PDXDC1: variants seen among roughly 807,000 people sequenced by gnomAD.
The protein encoded by PDXDC1 is pyridoxal-dependent decarboxylase domain-containing protein 1.
Under a neutral mutation model 100.1 loss-of-function variants are expected in PDXDC1, and 42 were observed. That is an observed-to-expected ratio of 0.42 (90% CI 0.33 to 0.54). The LOEUF (loss-of-function observed/expected upper bound fraction) is 0.54, where lower values mean the gene tolerates loss of function less well. Ranked by LOEUF, PDXDC1 falls within the 20% of genes least tolerant of loss-of-function variation. The pLI is 0.10. For synonymous variants in PDXDC1, 260 were observed against 371.7 expected, an observed-to-expected ratio of 0.70 and a Z score of 3.46; for missense variants, 636 against 979.2, an observed-to-expected ratio of 0.65 and a Z score of 4.68.
chr16:15,007,778 T>C (rs2040908487), intron 6 of PDXDC1, among the ~76,000 whole-genome samples: 1 of 152,290 alleles, frequency 6.6e-6, no homozygotes, highest in African/African-American at 2.4e-5. Context: ...TAGTGTCTAC[T>C]GCAAGCCAGG....
At chr16:15,077,108 T>C (rs2045493142) in intron 16 of PDXDC1, among the ~76,000 whole-genome samples, 1 of 151,572 alleles carries the variant, frequency 6.6e-6, no homozygotes, top group East Asian at 1.9e-4. Flanking sequence ...GCCTCCCGAG[T>C]AGCTGGGATT....
chr16:15,098,054 G>A (rs1598053155), intron 16 of PDXDC1, among the ~76,000 whole-genome samples: 2 of 146,404 alleles, frequency 1.4e-5, no homozygotes, highest in African/African-American at 5.0e-5. Context: ...TGAGATTATA[G>A]GCATGAGCCA....
chr16:14,994,014 A>T (rs1297931612), intron 1 of PDXDC1, among the ~76,000 whole-genome samples: 1 of 152,254 alleles, frequency 6.6e-6, no homozygotes, highest in African/African-American at 2.4e-5. Flanking sequence ...AATTTGTTTG[A>T]GTTCATTGTA....
At chr16:15,001,907 G>T in intron 4 of PDXDC1, 51 bp downstream of exon 4, 1 of 1,483,616 alleles carries the variant, frequency 6.7e-7, no homozygotes, top group South Asian at 1.2e-5. Flanking sequence ...CTTGATTTCA[G>T]TAGTGATTGC....
intron 16 of PDXDC1, chr16:15,127,843 C>G: frequency 6.4e-7 from 1 of 1,565,868 alleles, no homozygotes; most frequent in Non-Finnish European, 8.6e-7. Context: ...GTCAAAGAAG[C>G]CGCACTGCAG....
chr16:15,002,909 T>A (rs557064855), intron 4 of PDXDC1, among the ~76,000 whole-genome samples: 618 of 152,060 alleles, frequency 4.1e-3, no homozygotes, highest in African/African-American at 0.014. Context: ...GCAGGTTTTT[T>A]AAATTATGAA....
At chr16:15,132,595 C>G in intron 16 of PDXDC1, 2 of 775,502 alleles carry the variant, frequency 2.6e-6, no homozygotes, top group South Asian at 3.0e-5. Flanking sequence ...CCGAGGAACG[C>G]CATGGCATGA....
intron 1 of PDXDC1, among the ~76,000 whole-genome samples, chr16:14,977,946 T>C (rs1267815344): frequency 6.6e-6 from 1 of 152,298 alleles, no homozygotes; most frequent in African/African-American, 2.4e-5. Flanking sequence ...TTAAAATGTA[T>C]GTGAAAAAAC....
At chr16:15,025,943 GTCGTCT>G (rs2042564301) in intron 13 of PDXDC1, 1 of 152,354 alleles carries the variant, frequency 6.6e-6, no homozygotes, top group Admixed American at 6.5e-5. Context: ...AATGAAGTTA[GTCGTCT>G]TCGGCCTGTC....
chr16:15,014,273 C>T (rs2151476298), intron 8 of PDXDC1, among the ~76,000 whole-genome samples: 1 of 151,850 alleles, frequency 6.6e-6, no homozygotes. Flanking sequence ...AACAGGAAAA[C>T]CATCACTTCC....
At chr16:15,011,054 A>G (rs1213211620) in intron 8 of PDXDC1, among the ~76,000 whole-genome samples, 3 of 152,294 alleles carry the variant, frequency 2.0e-5, no homozygotes, top group Non-Finnish European at 4.4e-5. Flanking sequence ...GCAGGCTACA[A>G]TTTCTTAATA....
In PDXDC1 at chr16:15,095,295, A is replaced by T. The variant is rs575788609; in HGVS notation, c.1400-43584A>T. ...GGCTGCCCCTACTCTCAGGGAGGGG[A>T]AAAGGTTGCAACTTTGGAAACTGTA... On this transcript the variant is annotated intron_variant, in intron 16 of 16. Coordinates refer to the PDXDC1 transcript ENST00000535621. Among the ~76,000 whole-genome samples, 712 of 152,256 alleles carry T rather than the reference A, an allele frequency of 4.7e-3. 4 individuals are homozygous for T. Among genetic ancestry groups the T allele is most frequent in the Non-Finnish European group, 6.1e-3 (415 of 68,028 alleles).
chr16:15,107,160 ATATT>A lies in PDXDC1; in HGVS notation c.1400-31718_1400-31715del, dbSNP rs2046840300. 3.8e-6 allele frequency: 2 copies of A among 524,782 alleles called. 1 individual carries two copies. Among genetic ancestry groups the A allele is most frequent in the Non-Finnish European group, 5.7e-6 (2 of 348,108 alleles). 32.5% of individuals were successfully genotyped at this position (524,782 alleles called of 1,614,324 possible). On this transcript the variant is annotated intron_variant, in intron 16 of 16. Coordinates refer to the PDXDC1 transcript ENST00000535621. The stretch of plus-strand genomic sequence containing the variant: ...CTTCACATCTTTTGGTCACTGGTAA[ATATT>A]AAGGTGCTTTGTTTTCTGTTTTGTG...
At chr16:15,052,947 G>A (rs1025988221) in intron 16 of PDXDC1, among the ~76,000 whole-genome samples, 2 of 152,174 alleles carry the variant, frequency 1.3e-5, no homozygotes, top group Middle Eastern at 3.2e-3. Context: ...AGTACCCAGT[G>A]ACTGGTTAAG....
intron 16 of PDXDC1, among the ~76,000 whole-genome samples, chr16:15,106,538 G>A (rs1168834783): frequency 6.7e-6 from 1 of 149,990 alleles, no homozygotes; most frequent in Non-Finnish European, 1.5e-5. Context: ...GATGGATCAC[G>A]AGGTCAGGAG....
At chr16:15,064,772 G>A (rs1004543290) in intron 16 of PDXDC1, among the ~76,000 whole-genome samples, 7 of 152,178 alleles carry the variant, frequency 4.6e-5, no homozygotes, top group Admixed American at 2.0e-4. Flanking sequence ...TGAAATATAC[G>A]CAGGGAGACC....
intron 16 of PDXDC1, chr16:15,125,333 T>G: frequency 1.4e-6 from 1 of 721,358 alleles, no homozygotes; most frequent in Admixed American, 2.2e-5. Context: ...AGACTGCAGG[T>G]GGCGCGGGTC....
chr16:15,112,306 C>T (rs977735381), intron 16 of PDXDC1, among the ~76,000 whole-genome samples: 2 of 147,112 alleles, frequency 1.4e-5, no homozygotes, highest in Non-Finnish European at 3.0e-5. Context: ...GCAACCTCCA[C>T]CTCCCAGATT....
intron 1 of PDXDC1, among the ~76,000 whole-genome samples, chr16:14,981,858 T>G (rs1968072702): frequency 6.6e-6 from 1 of 152,210 alleles, no homozygotes; most frequent in Non-Finnish European, 1.5e-5. Context: ...AGATGGAGTT[T>G]TGCTCTTGTT....
Sources: gnomAD v4.1 joint callset for allele counts (sites outside exome capture counted in the v4.1 genomes callset) on GRCh38, gnomAD v4.1.1 for gene constraint, MANE v1.5 for transcripts, NCBI Gene and HGNC (gene_info 2026-07-23, HGNC 2026-07-21) for gene names.